The following SH2D4B variants were observed in gnomAD, a reference collection of about 807,000 sequenced individuals.
The protein encoded by SH2D4B is SH2 domain containing 4B.
A neutral mutation model predicts 61.5 loss-of-function variants in SH2D4B; 45 were observed. The ratio of observed to expected loss-of-function variants is 0.73; its 90% CI spans 0.58 to 0.94. The LOEUF is 0.94. Among genes scored for constraint, SH2D4B ranks in the 40% least tolerant of loss-of-function variants. The pLI, the probability that SH2D4B is intolerant of heterozygous loss-of-function variation, is 0.00. For missense variants in SH2D4B, 572 were observed against 574.2 expected, an observed-to-expected ratio of 1.00 and a Z score of 0.04; for synonymous variants, 224 against 220.4, an observed-to-expected ratio of 1.02 and a Z score of -0.14.
At chr10:80,542,551 C>A (rs142977279) in intron 1 of SH2D4B, among the ~76,000 whole-genome samples, 4 of 151,918 alleles carry the variant, frequency 2.6e-5, no homozygotes, top group Non-Finnish European at 5.9e-5. Context: ...GCGCCCACCA[C>A]CACAACCAGC....
intron 6 of SH2D4B, among the ~76,000 whole-genome samples, chr10:80,616,152 C>T (rs1842657569): frequency 6.6e-6 from 1 of 152,058 alleles, no homozygotes; most frequent in Non-Finnish European, 1.5e-5. Flanking sequence ...GAGTATGATA[C>T]CCATCTTGAA....
chr10:80,643,003 C>T (rs1840332141), intron 7 of SH2D4B: 1 of 152,646 alleles, frequency 6.6e-6, no homozygotes, highest in Admixed American at 6.5e-5. Context: ...TGTCTGATTA[C>T]CACTGATGCT....
At chr10:80,604,027 A>G (rs556295906) in intron 5 of SH2D4B, among the ~76,000 whole-genome samples, 1 of 152,344 alleles carries the variant, frequency 6.6e-6, no homozygotes, top group South Asian at 2.1e-4. Context: ...AAGGTCAAGG[A>G]TTCCTTTGAG....
intron 6 of SH2D4B, among the ~76,000 whole-genome samples, chr10:80,627,326 C>G (rs1842776358): frequency 6.6e-6 from 1 of 152,172 alleles, no homozygotes; most frequent in East Asian, 1.9e-4. Flanking sequence ...GTCCGCTGCC[C>G]TCAGAATTAA....
chr10:80,611,640 TC>T (rs1462804813), intron 6 of SH2D4B, among the ~76,000 whole-genome samples: 62 of 152,334 alleles, frequency 4.1e-4, no homozygotes, highest in African/African-American at 1.5e-3. Flanking sequence ...AGCACTGGCA[TC>T]TTAGGGAGCT....
chr10:80,555,680 G>A (rs56320756), intron 1 of SH2D4B, among the ~76,000 whole-genome samples: 7,809 of 152,202 alleles, frequency 0.051, 635 homozygotes, highest in African/African-American at 0.18. Flanking sequence ...GCTGTGAACC[G>A]TTTTGTCCTA....
intron 7 of SH2D4B, among the ~76,000 whole-genome samples, chr10:80,640,620 C>T (rs912417788): frequency 6.6e-5 from 10 of 152,206 alleles, no homozygotes; most frequent in African/African-American, 2.2e-4. Flanking sequence ...AGTTCTCATG[C>T]CATGAGTTTC....
At chr10:80,641,612 G>A (rs796342591) in intron 7 of SH2D4B, among the ~76,000 whole-genome samples, 11 of 152,358 alleles carry the variant, frequency 7.2e-5, no homozygotes, top group African/African-American at 2.6e-4. Flanking sequence ...TCTAAAGAAT[G>A]TACTTTTTCC....
At chr10:80,632,772 C>T (rs1307197710) in intron 6 of SH2D4B, among the ~76,000 whole-genome samples, 2 of 152,066 alleles carry the variant, frequency 1.3e-5, no homozygotes, top group East Asian at 1.9e-4. Context: ...TTGCATGAAG[C>T]CCCCAAGGCC....
At chr10:80,594,939 T>TATTTA (rs1472057000) in intron 4 of SH2D4B, among the ~76,000 whole-genome samples, 1 of 152,066 alleles carries the variant, frequency 6.6e-6, no homozygotes, top group Non-Finnish European at 1.5e-5. Context: ...GGGTGGAAAG[T>TATTTA]ATTTAATTTT....
chr10:80,638,976 G>C (rs1419527534), intron 7 of SH2D4B, among the ~76,000 whole-genome samples: 2 of 152,166 alleles, frequency 1.3e-5, no homozygotes, highest in African/African-American at 4.8e-5. Context: ...AGAGATTCTG[G>C]TACGTTGTGT....
chr10:80,573,719 C>T (rs1023362743), intron 3 of SH2D4B, among the ~76,000 whole-genome samples: 2 of 152,126 alleles, frequency 1.3e-5, no homozygotes, highest in Non-Finnish European at 2.9e-5. Flanking sequence ...ATTATTGTAG[C>T]TTTAAAATAA....
At position 80,538,507 on chromosome 10, in the gene SH2D4B, C is replaced by A. The variant is rs1445581001; in HGVS notation, c.176C>A (p.Thr59Asn). ...AQDEGLRPPK[T>N]KRAASDKHIQ... The stretch of plus-strand genomic sequence containing the variant: ...GACGAGGGTCTCAGGCCTCCAAAGA[C>A]CAAGCGAGGTACGTGGCTGGGAGTC... Residue 59 changes from threonine (T) to asparagine (N), a missense_variant, in exon 1 of 8, where the codon ACC becomes AAC. Coordinates refer to ENST00000646907, the MANE Select transcript of SH2D4B (RefSeq NM_001388272.1). The surrounding 1 kb of genome is among the most constrained non-coding windows in gnomAD (Gnocchi z 4.8). 2 of 1,395,744 alleles carry A rather than the reference C, an allele frequency of 1.4e-6. No individual in the cohort carries two copies. The highest frequency in any genetic ancestry group is 1.9e-6 in the Non-Finnish European group (2 of 1,069,594). 86.5% of individuals were successfully genotyped at this position (1,395,744 alleles called of 1,614,324 possible). A position where few individuals can be genotyped will look rare whatever the true frequency, so the allele number is the denominator to read the frequency against.
intron 6 of SH2D4B, among the ~76,000 whole-genome samples, chr10:80,615,086 T>C (rs1387695600): frequency 6.6e-6 from 1 of 152,212 alleles, no homozygotes; most frequent in Non-Finnish European, 1.5e-5. Flanking sequence ...AGTTGGGGCT[T>C]GGCCCCTCTG....
intron 4 of SH2D4B, among the ~76,000 whole-genome samples, chr10:80,591,396 T>C (rs945426778): frequency 6.6e-6 from 1 of 151,900 alleles, no homozygotes; most frequent in African/African-American, 2.4e-5. Context: ...AGTCTGAGAT[T>C]GAGGGGCTGA....
chr10:80,560,854 A>T (rs1841894461), intron 1 of SH2D4B, among the ~76,000 whole-genome samples: 1 of 151,910 alleles, frequency 6.6e-6, no homozygotes, highest in Non-Finnish European at 1.5e-5. Context: ...TAACACTAAG[A>T]GGTTATTTAC....
In SH2D4B at chr10:80,588,631, G is replaced by T; in HGVS notation, c.497G>T (p.Arg166Met). The change falls in exon 4 of 8, where the codon AGG (arginine) becomes ATG (methionine). Residue 166 changes from arginine (R) to methionine (M), a missense_variant and splice_region_variant. Transcript: ENST00000646907. ...TGTTCTGTTCCCATGACATTTTAGA[G>T]GAAAGAGGAAGAGGAGAGGAAGCGA... ...LEERIHEEFK[R>M]KEEEERKRGE... 1 of 1,613,730 alleles carries T rather than the reference G, an allele frequency of 6.2e-7. No homozygotes were observed. Among genetic ancestry groups the T allele is most frequent in the Non-Finnish European group, 8.5e-7 (1 of 1,179,980 alleles).
At chr10:80,552,321 G>C (rs538941401) in intron 1 of SH2D4B, among the ~76,000 whole-genome samples, 1 of 152,246 alleles carries the variant, frequency 6.6e-6, no homozygotes, top group South Asian at 2.1e-4. Context: ...CCCAGGGACT[G>C]TTTGAACAGG....
intron 1 of SH2D4B, among the ~76,000 whole-genome samples, chr10:80,560,140 AC>A (rs1168480206): frequency 6.6e-6 from 1 of 151,030 alleles, no homozygotes; most frequent in Non-Finnish European, 1.5e-5. Flanking sequence ...GGTGCCCGCC[AC>A]CTCGCCCGGC....
Sources: gnomAD v4.1 joint callset for allele counts (sites outside exome capture counted in the v4.1 genomes callset) on GRCh38, gnomAD v4.1.1 for gene constraint, Gnocchi (gnomAD v3.1) non-coding constraint, MANE v1.5 for transcripts, NCBI Gene and HGNC (gene_info 2026-07-23, HGNC 2026-07-21) for gene names.